The following PTPN22 variants were observed in gnomAD, a reference collection of about 807,000 sequenced individuals.
The protein encoded by PTPN22 is tyrosine-protein phosphatase non-receptor type 22.
A neutral mutation model predicts 103.3 loss-of-function variants in PTPN22; 85 were observed. The observed-to-expected ratio is 0.82, with a 90% CI of 0.69 to 0.99. The LOEUF is 0.99. Among genes scored for constraint, PTPN22 ranks in the 50% least tolerant of loss-of-function variants. The pLI is 0.00. For missense variants in PTPN22, 865 were observed against 936.9 expected (o/e 0.92, Z 1.00); for synonymous variants, 323 against 310.2 (o/e 1.04, Z -0.43).
chr1:113,825,152 G>A lies in PTPN22; in HGVS notation c.2271C>T (p.Asn757=), dbSNP rs751738229. 4.4e-5 allele frequency: 66 copies of A among 1,509,242 alleles called. No individual in the cohort carries two copies. The East Asian group carries it at 1.4e-3, about 32-fold the overall frequency. The allele number at this position is 1,509,242 out of a possible 1,614,324, so 93.5% of individuals were successfully genotyped here. A position where few individuals can be genotyped will look rare whatever the true frequency, so the allele number is the denominator to read the frequency against. Residue 757 remains asparagine (N), a synonymous_variant, in exon 19 of 21, where the codon AAC becomes AAT. Coordinates refer to ENST00000359785, the Ensembl canonical transcript of PTPN22. Reference sequence around the variant, plus strand: ...TAAGTACCAACTTACTCTTTTTCATGTTTCGCAAAATTTTCAAACTCTACA... The same window carrying A: ...TAAGTACCAACTTACTCTTTTTCATATTTCGCAAAATTTTCAAACTCTACA...
chr1:113,866,864 C>T (rs1666164811), intron 1 of PTPN22, among the ~76,000 whole-genome samples: 1 of 152,144 alleles, frequency 6.6e-6, no homozygotes, highest in Admixed American at 6.5e-5. Context: ...CCTCCCACTT[C>T]AGCCTCCCAG....
intron 4 of PTPN22, among the ~76,000 whole-genome samples, 165 bp downstream of exon 4, chr1:113,858,313 C>T (rs1394738770): frequency 6.6e-6 from 1 of 152,142 alleles, no homozygotes; most frequent in African/African-American, 2.4e-5. Context: ...CCCTCTTGGC[C>T]TCCCAGAGTA....
chr1:113,830,078 G>T, intron 16 of PTPN22, 49 bp from the exon 17 acceptor site: 1 of 1,335,278 alleles, frequency 7.5e-7, no homozygotes, highest in Non-Finnish European at 1.1e-6. Flanking sequence ...TCAATTAAAA[G>T]TCATAAGTCA....
At chr1:113,845,649 G>A (rs1232604868) in intron 11 of PTPN22, among the ~76,000 whole-genome samples, 1 of 152,168 alleles carries the variant, frequency 6.6e-6, no homozygotes, top group East Asian at 1.9e-4. Context: ...ACTAGATTTT[G>A]TCAGTTAGTG....
At chr1:113,865,904 A>G (rs1372461827) in intron 1 of PTPN22, among the ~76,000 whole-genome samples, 1 of 152,208 alleles carries the variant, frequency 6.6e-6, no homozygotes, top group Non-Finnish European at 1.5e-5. Context: ...CATTTTACTG[A>G]CTTAATCCAA....
intron 11 of PTPN22, among the ~76,000 whole-genome samples, chr1:113,842,877 G>A (rs1431738195): frequency 6.6e-6 from 1 of 150,780 alleles, no homozygotes; most frequent in African/African-American, 2.4e-5. Context: ...CGAGGCGGGC[G>A]GATCACGAGG....
At chr1:113,850,197 AAAAGAAGG>A (rs1211907565) in intron 10 of PTPN22, among the ~76,000 whole-genome samples, 5 of 135,788 alleles carry the variant, frequency 3.7e-5, no homozygotes, top group East Asian at 2.2e-4. Flanking sequence ...ACTCCATCTC[AAAAGAAGG>A]AAGGAAGGAA....
exon 13 of PTPN22, chr1:113,837,644 G>A: frequency 6.2e-7 from 1 of 1,603,942 alleles, no homozygotes; most frequent in Non-Finnish European, 8.5e-7. Flanking sequence ...GGAGAATTCA[G>A]TGATAAAGAA....
rs533588041 is a variant in PTPN22, at chr1:113,857,700, T to C, written c.408+38A>G. 77 of 1,584,622 alleles carry C rather than the reference T, an allele frequency of 4.9e-5. No homozygotes were observed. The South Asian group carries it at 6.8e-4, about 14-fold the overall frequency. On this transcript the variant is annotated intron_variant, in intron 5 of 20. Coordinates refer to ENST00000359785, the Ensembl canonical transcript of PTPN22. Reference sequence around the variant, plus strand: ...TTTCCCTCTCCTTTTTCTTCTTTCCTTTGTTTTAAGGTCAGCAGGTACTAG... The same window carrying C: ...TTTCCCTCTCCTTTTTCTTCTTTCCCTTGTTTTAAGGTCAGCAGGTACTAG...
intron 1 of PTPN22, among the ~76,000 whole-genome samples, chr1:113,865,638 T>C (rs1003961048): frequency 6.6e-6 from 1 of 152,224 alleles, no homozygotes; most frequent in Admixed American, 6.5e-5. Flanking sequence ...ATACATTTGG[T>C]AATACTTAAC....
At chr1:113,838,179 C>T (rs1369298250) in exon 13 of PTPN22, 2 of 1,613,990 alleles carry the variant, frequency 1.2e-6, no homozygotes, top group South Asian at 1.1e-5. Context: ...TCTGAAGAGG[C>T]TCCCCAACTA....
chr1:113,866,806 G>A lies in PTPN22; in HGVS notation c.87+4731C>T, dbSNP rs1434300623. Among the ~76,000 whole-genome samples, 5 of 152,066 alleles carry A rather than the reference G, an allele frequency of 3.3e-5. No individual in the cohort carries two copies. The East Asian group carries it at 9.6e-4, about 29-fold the overall frequency. ...TCTGTCTCCCTGGCTGGTGTGCAGTGGTGCAATCTCAGCTCACTACACCCT... is the reference window on the plus strand; with the variant it reads ...TCTGTCTCCCTGGCTGGTGTGCAGTAGTGCAATCTCAGCTCACTACACCCT... On this transcript the variant is annotated intron_variant, in intron 1 of 20. Coordinates refer to ENST00000359785, the Ensembl canonical transcript of PTPN22.
At chr1:113,860,769 A>C (rs1665506581) in intron 1 of PTPN22, among the ~76,000 whole-genome samples, 1 of 152,224 alleles carries the variant, frequency 6.6e-6, no homozygotes, top group Non-Finnish European at 1.5e-5. Flanking sequence ...AAAGATCTCA[A>C]GTCCCAGAAC....
chr1:113,822,952 C>T (rs934790474), intron 19 of PTPN22, among the ~76,000 whole-genome samples: 1 of 152,144 alleles, frequency 6.6e-6, no homozygotes, highest in African/African-American at 2.4e-5. Flanking sequence ...GAGCTAGACT[C>T]CGTCTCAAAA....
chr1:113,859,294 GAT>G, intron 2 of PTPN22, 56 bp downstream of exon 2: 1 of 1,561,676 alleles, frequency 6.4e-7, no homozygotes, highest in Non-Finnish European at 8.8e-7. Context: ...GGTACAAAGA[GAT>G]AGTAATGATT....
intron 1 of PTPN22, among the ~76,000 whole-genome samples, chr1:113,863,927 A>ATATT (rs1402973311): frequency 4.2e-5 from 5 of 118,606 alleles, no homozygotes; most frequent in Admixed American, 3.6e-4. Context: ...ATATATATAT[A>ATATT]TTTTTTTTTG....
intron 18 of PTPN22, among the ~76,000 whole-genome samples, chr1:113,826,113 A>C (rs1340640873): frequency 6.6e-6 from 1 of 152,010 alleles, no homozygotes; most frequent in Non-Finnish European, 1.5e-5. Flanking sequence ...TGGGAGGCTC[A>C]AGTGGGAGGT....
chr1:113,840,906 AAAAACTG>A (rs1457973587), intron 11 of PTPN22, among the ~76,000 whole-genome samples: 2 of 152,252 alleles, frequency 1.3e-5, no homozygotes, highest in Non-Finnish European at 2.9e-5. Context: ...TGATTCTGGG[AAAAACTG>A]AATATACACA....
At chr1:113,814,957 C>G in exon 21 of PTPN22, 2 of 1,606,230 alleles carry the variant, frequency 1.2e-6, no homozygotes, top group Non-Finnish European at 1.7e-6. Context: ...TTTTGAAAAA[C>G]GGTTTGCAAA....
Sources: gnomAD v4.1 joint callset for allele counts (sites outside exome capture counted in the v4.1 genomes callset) on GRCh38, gnomAD v4.1.1 for gene constraint, MANE v1.5 for transcripts, NCBI Gene and HGNC (gene_info 2026-07-23, HGNC 2026-07-21) for gene names.